C16orf95: variants seen among roughly 807,000 people sequenced by gnomAD.
C16orf95 encodes the protein chromosome 16 open reading frame 95.
Under a neutral mutation model 32.1 loss-of-function variants are expected in C16orf95, and 41 were observed. The ratio of observed to expected loss-of-function variants is 1.28; its 90% CI spans 1.00 to 1.66. The LOEUF (loss-of-function observed/expected upper bound fraction) is 1.66. C16orf95 is among the 40% of genes most tolerant of loss of function. The pLI is 0.00. For missense variants in C16orf95, 399 were observed against 325.9 expected, an observed-to-expected ratio of 1.22 and a Z score of -1.73; for synonymous variants, 147 against 128.9, an observed-to-expected ratio of 1.14 and a Z score of -0.95.
rs113288901 is a variant in C16orf95, at chr16:87,307,419, T to A, written c.515-1514A>T. On this transcript the variant is annotated intron_variant, in intron 5 of 6. Coordinates refer to ENST00000567970, the MANE Select transcript of C16orf95 (RefSeq NM_001195124.3). ...ACAAATACATAAATATACTTAACTATGAATACATAAAGGGACTGCAAAAAG... is the reference window on the plus strand; with the variant it reads ...ACAAATACATAAATATACTTAACTAAGAATACATAAAGGGACTGCAAAAAG... Among the ~76,000 whole-genome samples, 1,099 of 152,082 alleles carry A rather than the reference T, an allele frequency of 7.2e-3. 13 individuals carry two copies. Among genetic ancestry groups the A allele is most frequent in the African/African-American group, 0.025 (1,040 of 41,442 alleles).
intron 5 of C16orf95, among the ~76,000 whole-genome samples, chr16:87,308,429 C>T (rs752325225): frequency 1.1e-4 from 16 of 151,816 alleles, no homozygotes; most frequent in Non-Finnish European, 7.4e-5. Context: ...TGTGGTGAGC[C>T]GAGATTGCGC....
In C16orf95 at chr16:87,312,441, C is replaced by T. The variant is rs564965758; in HGVS notation, c.331-1145G>A. ...AAAATTAGCCGGGAGTGGTGGTGGG[C>T]ACCTGTAATCTCAGCTACCCGGGAG... On this transcript the variant is annotated intron_variant, in intron 3 of 6. Coordinates refer to ENST00000567970, the MANE Select transcript of C16orf95 (RefSeq NM_001195124.3). 1.4e-4 allele frequency among the ~76,000 whole-genome samples: 21 copies of T among 151,992 alleles called. 1 individual carries two copies. In the South Asian group the frequency reaches 4.2e-3, roughly 30 times the overall value.
chr16:87,312,331 G>A (rs141851737), intron 3 of C16orf95, among the ~76,000 whole-genome samples: 86 of 152,308 alleles, frequency 5.6e-4, no homozygotes, highest in African/African-American at 2.0e-3. Context: ...CATTTTGGGA[G>A]GCCAAGGCAG....
In C16orf95 at chr16:87,305,638, C is replaced by A; in HGVS notation, c.701+81G>T. 7.7e-7 allele frequency: 1 copy of A among 1,302,368 alleles called. No homozygotes were observed. Among genetic ancestry groups the A allele is most frequent in the South Asian group, 1.5e-5 (1 of 65,798 alleles). The allele number at this position is 1,302,368 out of a possible 1,614,324, so 80.7% of individuals were successfully genotyped here. A position where few individuals can be genotyped will look rare whatever the true frequency, so the allele number is the denominator to read the frequency against. On this transcript the variant is annotated intron_variant, in intron 6 of 6. Transcript: ENST00000567970. The surrounding 1 kb of genome is among the most constrained non-coding windows in gnomAD (Gnocchi z 4.2). Reference sequence around the variant, plus strand: ...AGCCCCACCCCCCACTCTTCCACATCCCTGATGGCCACCAAGCCTCCCTCA... The same window carrying A: ...AGCCCCACCCCCCACTCTTCCACATACCTGATGGCCACCAAGCCTCCCTCA...
At chr16:87,306,010 T>C in intron 5 of C16orf95, 105 bp from the exon 6 acceptor site, 1 of 884,710 alleles carries the variant, frequency 1.1e-6, no homozygotes, top group Non-Finnish European at 1.6e-6. Context: ...AAATGGGGAC[T>C]TCCAGGACCC....
In C16orf95 at chr16:87,305,981, C is replaced by T. The variant is rs1251711050; in HGVS notation, c.515-76G>A. The T allele has an allele frequency of 1.9e-5, 23 of 1,187,810 alleles. No individual in the cohort carries two copies. In the South Asian group the frequency reaches 2.4e-4, roughly 12 times the overall value. The allele number at this position is 1,187,810 out of a possible 1,614,324, so 73.6% of individuals were successfully genotyped here. On this transcript the variant is annotated intron_variant, in intron 5 of 6. Transcript: ENST00000567970. This position sits in a 1 kb window ranked among gnomAD's most constrained non-coding sequence, Gnocchi z 4.2. ...GTGAGCCACGAGGAGGCTGCAACAC[C>T]AGCCCCAGAGCCTCCGGGAAATGGG...
chr16:87,305,733 G>T lies in C16orf95; in HGVS notation c.687C>A (p.Val229=), dbSNP rs942021832. The T allele has an allele frequency of 6.0e-6, 9 of 1,507,560 alleles. No homozygotes were observed. In the South Asian group the frequency reaches 1.1e-4, roughly 18 times the overall value. 93.4% of individuals were successfully genotyped at this position (1,507,560 alleles called of 1,614,324 possible). A position where few individuals can be genotyped will look rare whatever the true frequency, so the allele number is the denominator to read the frequency against. ...LLTLLQAIPR[V]IMAIRQCFGV ...CACCTGCTCACCGAATGGCCATGAT[G>T]ACCCTCGGGATGGCCTGGAGGAGGG... The change falls in exon 6 of 7, where the codon GTC becomes GTA. Residue 229 remains valine, a synonymous_variant. Coordinates refer to ENST00000567970, the MANE Select transcript of C16orf95 (RefSeq NM_001195124.3). This position sits in a 1 kb window ranked among gnomAD's most constrained non-coding sequence, Gnocchi z 4.2.
Position 87,303,435 on chromosome 16 carries a change from C to T in C16orf95, c.702-360G>A, listed in dbSNP as rs866595437. 7 of 233,882 alleles carry T rather than the reference C, an allele frequency of 3.0e-5. No homozygotes were observed. In the East Asian group the frequency reaches 5.2e-4, roughly 17 times the overall value. The allele number at this position is 233,882 out of a possible 1,614,324, so 14.5% of individuals were successfully genotyped here. A position where few individuals can be genotyped will look rare whatever the true frequency, so the allele number is the denominator to read the frequency against. ...GAGATTCTAAGCCCACCCTCTCCCC[C>T]CACCCCCGGCTGCTGTAGCACATCT... On this transcript the variant is annotated intron_variant, in intron 6 of 6. Coordinates refer to ENST00000567970, the MANE Select transcript of C16orf95 (RefSeq NM_001195124.3).
At chr16:87,303,121 A>G (rs1276159890) in intron 6 of C16orf95, 46 bp from the exon 7 acceptor site, 1 of 1,534,746 alleles carries the variant, frequency 6.5e-7, no homozygotes, top group East Asian at 2.4e-5. Context: ...CCCCAGGCTG[A>G]GACCAGCTGC....
intron 6 of C16orf95, among the ~76,000 whole-genome samples, chr16:87,304,194 G>C (rs1204002848): frequency 6.6e-6 from 1 of 152,076 alleles, no homozygotes; most frequent in Admixed American, 6.5e-5. Context: ...ATTTTGTGTG[G>C]AGATGGGGTC....
intron 5 of C16orf95, among the ~76,000 whole-genome samples, chr16:87,309,399 T>TTG (rs1168504139): frequency 1.1e-4 from 12 of 112,176 alleles, no homozygotes; most frequent in African/African-American, 3.2e-4. Context: ...TTTTTTTTTT[T>TTG]TGTAGACAGA....
chr16:87,304,673 T>G (rs867400701), intron 6 of C16orf95, among the ~76,000 whole-genome samples: 1 of 152,140 alleles, frequency 6.6e-6, no homozygotes, highest in African/African-American at 2.4e-5. Flanking sequence ...CGTACCCCGA[T>G]GCACATCACA....
intron 5 of C16orf95, among the ~76,000 whole-genome samples, chr16:87,306,424 T>C (rs1310072857): frequency 6.6e-6 from 1 of 152,208 alleles, no homozygotes; most frequent in Non-Finnish European, 1.5e-5. Flanking sequence ...GGTCAGCATG[T>C]GATCCTCTGG....
Position 87,305,772 on chromosome 16 carries a change from G to C in C16orf95, c.648C>G (p.Pro216=). The stretch of plus-strand genomic sequence containing the variant: ...CCTGGAGGAGGGTCAGGAGGCCGAG[G>C]GGCAGCAGACGCGCTGCAGGAGCCG... ...QLPAPAARLL[P]LGLLTLLQAI... Residue 216 remains proline, a synonymous_variant, in exon 6 of 7, where the codon CCC becomes CCG. Coordinates refer to ENST00000567970, the MANE Select transcript of C16orf95 (RefSeq NM_001195124.3). This position sits in a 1 kb window ranked among gnomAD's most constrained non-coding sequence, Gnocchi z 4.2. The C allele has an allele frequency of 6.6e-7, 1 of 1,518,980 alleles. No individual in the cohort carries two copies. The highest frequency in any genetic ancestry group is 8.8e-7 in the Non-Finnish European group (1 of 1,138,688). 94.1% of individuals were successfully genotyped at this position (1,518,980 alleles called of 1,614,324 possible). A position where few individuals can be genotyped will look rare whatever the true frequency, so the allele number is the denominator to read the frequency against.
intron 3 of C16orf95, among the ~76,000 whole-genome samples, chr16:87,314,302 T>C (rs1904301376): frequency 6.6e-6 from 1 of 152,184 alleles, no homozygotes. Context: ...CTGTGGCCTA[T>C]TCACATAATG....
At chr16:87,313,974 C>T (rs951804595) in intron 3 of C16orf95, among the ~76,000 whole-genome samples, 4 of 151,978 alleles carry the variant, frequency 2.6e-5, no homozygotes, top group African/African-American at 9.7e-5. Context: ...ATGAAAACTA[C>T]GATGAGACAG....
intron 2 of C16orf95, 105 bp downstream of exon 2, chr16:87,315,667 G>T: frequency 1.1e-6 from 1 of 870,234 alleles, no homozygotes; most frequent in Non-Finnish European, 1.7e-6. Context: ...GTGTTTGGAG[G>T]ATTCTCTCAT....
At chr16:87,309,827 G>A (rs959323752) in intron 5 of C16orf95, among the ~76,000 whole-genome samples, 1 of 152,172 alleles carries the variant, frequency 6.6e-6, no homozygotes, top group Non-Finnish European at 1.5e-5. Flanking sequence ...ATGAATGTAT[G>A]AGCATACTAT....
chr16:87,306,207 C>A (rs1229097484), intron 5 of C16orf95: 2 of 231,578 alleles, frequency 8.6e-6, no homozygotes, highest in East Asian at 8.5e-5. Context: ...TTTTTTGGAG[C>A]GGGAGTGGGT....
Sources: gnomAD v4.1 joint callset for allele counts (sites outside exome capture counted in the v4.1 genomes callset) on GRCh38, gnomAD v4.1.1 for gene constraint, Gnocchi (gnomAD v3.1) non-coding constraint, MANE v1.5 for transcripts, NCBI Gene and HGNC (gene_info 2026-07-23, HGNC 2026-07-21) for gene names.